Variants in NR3C1 observed in about 807,000 individuals in gnomAD.
The protein encoded by NR3C1 is glucocorticoid receptor.
In NR3C1, 14 loss-of-function variants were observed where a neutral mutation model predicts 74.0. That is an observed-to-expected ratio of 0.19 (90% CI 0.12 to 0.30). NR3C1 has a LOEUF of 0.30. Among genes scored for constraint, NR3C1 ranks in the 10% least tolerant of loss-of-function variants. The pLI, the probability that NR3C1 is intolerant of heterozygous loss-of-function variation, is 1.00. For synonymous variants in NR3C1, 308 were observed against 332.5 expected, an observed-to-expected ratio of 0.93 and a Z score of 0.80; for missense variants, 695 against 909.8, an observed-to-expected ratio of 0.76 and a Z score of 3.04.
intron 2 of NR3C1, among the ~76,000 whole-genome samples, chr5:143,364,629 G>A (rs550725800): frequency 6.6e-6 from 1 of 152,150 alleles, no homozygotes; most frequent in Non-Finnish European, 1.5e-5. Context: ...AGCACAGAGT[G>A]GAAGCAGAAG....
intron 2 of NR3C1, among the ~76,000 whole-genome samples, chr5:143,342,277 A>G (rs1828385428): frequency 6.6e-6 from 1 of 152,202 alleles, no homozygotes; most frequent in Non-Finnish European, 1.5e-5. Flanking sequence ...ATGCCAAATC[A>G]TCTACAGGAA....
At chr5:143,285,111 G>A (rs1814092852) in intron 7 of NR3C1, among the ~76,000 whole-genome samples, 1 of 150,494 alleles carries the variant, frequency 6.6e-6, no homozygotes, top group Admixed American at 6.6e-5. Flanking sequence ...TGGAAACGAA[G>A]GAGGTACACA....
At chr5:143,313,913 G>T in intron 3 of NR3C1, 89 bp downstream of exon 3, 2 of 1,408,202 alleles carry the variant, frequency 1.4e-6, no homozygotes, top group Non-Finnish European at 2.0e-6. Context: ...AGCCTTTCAT[G>T]GGCTTTGCAT....
chr5:143,307,652 T>C (rs1213067636), intron 4 of NR3C1, among the ~76,000 whole-genome samples: 1 of 152,062 alleles, frequency 6.6e-6, no homozygotes, highest in African/African-American at 2.4e-5. Flanking sequence ...TATTTCGAAA[T>C]ATAAAATAGG....
intron 1 of NR3C1, among the ~76,000 whole-genome samples, chr5:143,424,062 T>TGGGGTGG (rs1241683608): frequency 7.4e-5 from 2 of 27,058 alleles, no homozygotes; most frequent in African/African-American, 1.3e-4. Context: ...GGGACTGTTG[T>TGGGGTGG]GGGGTGTGGG....
chr5:143,388,325 G>C (rs1197758012), intron 2 of NR3C1, among the ~76,000 whole-genome samples: 1 of 152,130 alleles, frequency 6.6e-6, no homozygotes, highest in Non-Finnish European at 1.5e-5. Flanking sequence ...CTCTCTCTCA[G>C]TGATATTCAC....
At chr5:143,406,245 C>T (rs377131735), upstream of NR3C1, among the ~76,000 whole-genome samples, 4 of 152,050 alleles carry the variant, frequency 2.6e-5, no homozygotes, top group South Asian at 2.1e-4. Flanking sequence ...TCCACCTCAT[C>T]GCTCATACAT....
chr5:143,315,337 A>G (rs1821840344), intron 2 of NR3C1, among the ~76,000 whole-genome samples: 1 of 152,114 alleles, frequency 6.6e-6, no homozygotes. Flanking sequence ...ATGATTTTGT[A>G]GCCTTCTGCT....
chr5:143,389,825 G>T, intron 2 of NR3C1: 1 of 404,074 alleles, frequency 2.5e-6, no homozygotes, highest in Non-Finnish European at 3.3e-6. Context: ...AAAGTAAGAG[G>T]TTCAAGGCAA....
intron 7 of NR3C1, chr5:143,295,026 A>G: frequency 1.0e-6 from 1 of 985,432 alleles, no homozygotes; most frequent in Non-Finnish European, 1.2e-6. Flanking sequence ...ATAGTAATTA[A>G]GCACACCTTT....
chr5:143,319,810 A>G (rs990000854), intron 2 of NR3C1, among the ~76,000 whole-genome samples: 1 of 152,212 alleles, frequency 6.6e-6, no homozygotes, highest in African/African-American at 2.4e-5. Context: ...AAAGAAAAAA[A>G]AAAAGGGACC....
Position 143,282,776 on chromosome 5 carries a change from T to G in NR3C1, c.2024-51A>C, listed in dbSNP as rs778618258. The G allele has an allele frequency of 2.6e-6, 4 of 1,540,460 alleles. No homozygotes were observed. The African/African-American group carries it at 5.6e-5, about 22-fold the overall frequency. On this transcript the variant is annotated intron_variant, in intron 7 of 8. Coordinates refer to ENST00000394464, the MANE Select transcript of NR3C1 (RefSeq NM_000176.3). ...AAAGGATTTTCTTTTTCTTTTCTTTTCTTTTTTTTTTTTTTTTGAGATAGA... is the reference window on the plus strand; with the variant it reads ...AAAGGATTTTCTTTTTCTTTTCTTTGCTTTTTTTTTTTTTTTTGAGATAGA...
At position 143,341,953 on chromosome 5, in the gene NR3C1, G is replaced by C. The variant is rs556792503; in HGVS notation, c.1185-27785C>G. Among the ~76,000 whole-genome samples, 21 of 152,186 alleles carry C rather than the reference G, an allele frequency of 1.4e-4. No homozygotes were observed. The South Asian group carries it at 4.3e-3, about 32-fold the overall frequency. On this transcript the variant is annotated intron_variant, in intron 2 of 8. Coordinates refer to ENST00000394464, the MANE Select transcript of NR3C1 (RefSeq NM_000176.3). ...TGAATGTCTTTTTATCACATGTCCTGACTCACTTCTACTGGTGCTTGTCCA... is the reference window on the plus strand; with the variant it reads ...TGAATGTCTTTTTATCACATGTCCTCACTCACTTCTACTGGTGCTTGTCCA...
intron 1 of NR3C1, among the ~76,000 whole-genome samples, chr5:143,428,545 T>C (rs1399595777): frequency 6.6e-6 from 1 of 152,224 alleles, no homozygotes; most frequent in Non-Finnish European, 1.5e-5. Flanking sequence ...ATGCTCTAGT[T>C]CAGGGGCTGG....
At chr5:143,349,515 A>G (rs1242422084) in intron 2 of NR3C1, among the ~76,000 whole-genome samples, 1 of 151,874 alleles carries the variant, frequency 6.6e-6, no homozygotes, top group Non-Finnish European at 1.5e-5. Context: ...CAGATAGTGG[A>G]CTCTATCCAC....
chr5:143,395,472 G>A (rs534558278), intron 2 of NR3C1, among the ~76,000 whole-genome samples: 2 of 151,792 alleles, frequency 1.3e-5, no homozygotes, highest in African/African-American at 4.8e-5. Flanking sequence ...TCAGAAATAT[G>A]AAAACAAGTG....
chr5:143,291,515 C>T (rs1024240278), intron 7 of NR3C1, among the ~76,000 whole-genome samples: 11 of 75,930 alleles, frequency 1.4e-4, no homozygotes, highest in South Asian at 7.7e-4. Flanking sequence ...TGAGCCACCA[C>T]GCCTGGCTGG....
intron 1 of NR3C1, among the ~76,000 whole-genome samples, chr5:143,430,256 T>C (rs1318545551): frequency 1.3e-5 from 2 of 152,202 alleles, no homozygotes; most frequent in Non-Finnish European, 2.9e-5. Context: ...ATGAATTTCA[T>C]GCTTTTATAT....
chr5:143,433,589 A>T (rs1751977522), intron 1 of NR3C1: 1 of 151,620 alleles, frequency 6.6e-6, no homozygotes, highest in Non-Finnish European at 1.5e-5. Flanking sequence ...GATCAGCTAA[A>T]TTACCTGATC....
Sources: allele counts gnomAD v4.1 joint callset (sites outside exome capture counted in the v4.1 genomes callset), GRCh38; gene constraint gnomAD v4.1.1; transcripts MANE v1.5; gene names NCBI Gene and HGNC (gene_info 2026-07-23, HGNC 2026-07-21).